The following ARID2 variants were observed in gnomAD, a reference collection of about 807,000 sequenced individuals.
The protein encoded by ARID2 is AT-rich interaction domain 2.
Under a neutral mutation model 184.6 loss-of-function variants are expected in ARID2, and 32 were observed. That is an observed-to-expected ratio of 0.17 (90% CI 0.13 to 0.23). ARID2 has a LOEUF of 0.23. ARID2 is among the 10% of genes least tolerant of loss of function. The probability of loss-of-function intolerance (pLI) is 1.00; values close to 1 mark genes in which losing one functional copy is unlikely to be tolerated. For missense variants in ARID2, 1,696 were observed against 2,197.6 expected (o/e 0.77, Z 4.56); for synonymous variants, 836 against 772.6 (o/e 1.08, Z -1.36).
chr12:45,851,059 C>G lies in ARID2; in HGVS notation c.2936C>G (p.Ala979Gly), dbSNP rs2138167502. ...TCTTCTTCACCATCACCTGTCCCAGCTACTAATAACCAAGTCCCTACTGCC... is the reference window on the plus strand; with the variant it reads ...TCTTCTTCACCATCACCTGTCCCAGGTACTAATAACCAAGTCCCTACTGCC... ...TPSSSPSPVP[A>G]TNNQVPTAMS... The change falls in exon 15 of 21, where the codon GCT becomes GGT. Residue 979 changes from alanine (A) to glycine (G), a missense_variant. Physicochemically the swap from Ala to Gly is moderately conservative, Grantham distance 60. This residue lies in a region of ARID2 where 713 missense variants were observed against 824.4 expected (regional missense o/e 0.86). Transcript: ENST00000334344. 2 of 1,614,138 alleles carry G rather than the reference C, an allele frequency of 1.2e-6. No individual in the cohort carries two copies. The highest frequency in any genetic ancestry group is 1.7e-6 in the Non-Finnish European group (2 of 1,180,006).
intron 6 of ARID2, among the ~76,000 whole-genome samples, chr12:45,835,728 C>T (rs1943208369): frequency 3.3e-5 from 5 of 151,964 alleles, no homozygotes; most frequent in Admixed American, 3.3e-4. Flanking sequence ...GGTGAAACCC[C>T]ATCTCTACTA....
intron 3 of ARID2, among the ~76,000 whole-genome samples, chr12:45,774,762 A>G (rs1027862037): frequency 6.6e-5 from 10 of 152,214 alleles, no homozygotes; most frequent in Admixed American, 5.2e-4. Flanking sequence ...AATGATAATA[A>G]TAGTGGCTAA....
rs531691834 is a variant in ARID2 at position 45,856,819 on chromosome 12, A to G, written c.4773+3923A>G. 3.3e-5 allele frequency among the ~76,000 whole-genome samples: 5 copies of G among 152,326 alleles called. No individual in the cohort carries two copies. In the South Asian group the frequency reaches 1.0e-3, roughly 32 times the overall value. ...TTTAGTATTTAGCTGGGTAGTTTAT[A>G]TAAATATAAAATAAACTGTACCTAC... On this transcript the variant is annotated intron_variant, in intron 15 of 20. Coordinates refer to ENST00000334344, the MANE Select transcript of ARID2 (RefSeq NM_152641.4).
At chr12:45,832,890 A>G (rs1476200270) in intron 6 of ARID2, among the ~76,000 whole-genome samples, 2 of 152,208 alleles carry the variant, frequency 1.3e-5, no homozygotes, top group Non-Finnish European at 2.9e-5. Flanking sequence ...TGCAAATACT[A>G]TACTGCTATA....
Position 45,814,479 on chromosome 12 carries a change from G to A in ARID2, c.418+2928G>A, listed in dbSNP as rs370549558. 2.0e-5 allele frequency among the ~76,000 whole-genome samples: 3 copies of A among 152,164 alleles called. No individual in the cohort carries two copies. In the East Asian group the frequency reaches 5.8e-4, roughly 29 times the overall value. On this transcript the variant is annotated intron_variant, in intron 4 of 20. Coordinates refer to ENST00000334344, the MANE Select transcript of ARID2 (RefSeq NM_152641.4). The stretch of plus-strand genomic sequence containing the variant: ...AGCCTGGCCAACATGGTGAAACCCT[G>A]TTTCTACTAAAAATACAAAAATTGG...
intron 16 of ARID2, among the ~76,000 whole-genome samples, chr12:45,868,867 G>T (rs1032343863): frequency 5.3e-5 from 8 of 152,064 alleles, no homozygotes; most frequent in Non-Finnish European, 1.2e-4. Context: ...ATGGCAGTTT[G>T]CCCCTGCTGA....
Position 45,850,985 on chromosome 12 carries a change from T to G in ARID2, c.2862T>G (p.Leu954=). 1 of 1,614,158 alleles carries G rather than the reference T, an allele frequency of 6.2e-7. No homozygotes were observed. Among genetic ancestry groups the G allele is most frequent in the Non-Finnish European group, 8.5e-7 (1 of 1,180,020 alleles). The change falls in exon 15 of 21, where the codon CTT becomes CTG. Residue 954 remains leucine (L), a synonymous_variant. Coordinates refer to ENST00000334344, the MANE Select transcript of ARID2 (RefSeq NM_152641.4). The part of the protein sequence containing the change: ...HQIVLANPAA[L]PAGQTVQLTG... The stretch of plus-strand genomic sequence containing the variant: ...TTGTTCTTGCTAATCCAGCAGCTCT[T>G]CCAGCTGGTCAGACAGTTCAGCTAA...
chr12:45,814,745 A>G (rs1266820164), intron 4 of ARID2, among the ~76,000 whole-genome samples: 1 of 152,212 alleles, frequency 6.6e-6, no homozygotes, highest in Non-Finnish European at 1.5e-5. Flanking sequence ...TTAAAATTTT[A>G]TAAGCATTTT....
intron 3 of ARID2, among the ~76,000 whole-genome samples, chr12:45,787,406 T>C (rs1380985245): frequency 6.6e-6 from 1 of 151,834 alleles, no homozygotes; most frequent in East Asian, 1.9e-4. Flanking sequence ...TTATTATTAT[T>C]GTCTTTTTGG....
chr12:45,896,400 C>CTGGG (rs1944368270), intron 20 of ARID2, among the ~76,000 whole-genome samples: 1 of 152,136 alleles, frequency 6.6e-6, no homozygotes, highest in Non-Finnish European at 1.5e-5. Flanking sequence ...CTTGAATTCC[C>CTGGG]ACATGTTGTG....
intron 3 of ARID2, among the ~76,000 whole-genome samples, chr12:45,771,427 A>G (rs1434807598): frequency 6.6e-6 from 1 of 151,356 alleles, no homozygotes; most frequent in Non-Finnish European, 1.5e-5. Flanking sequence ...TACCTTGGGA[A>G]GTTGAGGCAG....
In ARID2 at chr12:45,905,578, C is replaced by A. The variant is rs1407178834; in HGVS notation, c.*500C>A. The A allele has an allele frequency of 4.3e-6, 1 of 233,286 alleles. No homozygotes were observed. Among genetic ancestry groups the A allele is most frequent in the South Asian group, 1.8e-4 (1 of 5,530 alleles). 14.5% of individuals were successfully genotyped at this position (233,286 alleles called of 1,614,324 possible). On this transcript the variant is annotated 3_prime_UTR_variant, in exon 21 of 21. Coordinates refer to ENST00000334344, the MANE Select transcript of ARID2 (RefSeq NM_152641.4). Reference sequence around the variant, plus strand: ...CGATCTCAGAGGGGGCCACCAATATCTAGCTATGGATCGTGTGTTTTGTTT... The same window carrying A: ...CGATCTCAGAGGGGGCCACCAATATATAGCTATGGATCGTGTGTTTTGTTT...
intron 3 of ARID2, among the ~76,000 whole-genome samples, chr12:45,779,973 C>G (rs746463551): frequency 6.6e-6 from 1 of 152,102 alleles, no homozygotes; most frequent in East Asian, 1.9e-4. Context: ...TGTCTAACTT[C>G]TAGGCCTCAG....
chr12:45,816,561 C>T (rs1942805639), intron 4 of ARID2, among the ~76,000 whole-genome samples: 1 of 152,156 alleles, frequency 6.6e-6, no homozygotes, highest in South Asian at 2.1e-4. Flanking sequence ...ACTCAGCAAT[C>T]CCACTTCTAG....
At chr12:45,831,247 A>T (rs1014921163) in intron 6 of ARID2, among the ~76,000 whole-genome samples, 1 of 152,198 alleles carries the variant, frequency 6.6e-6, no homozygotes, top group African/African-American at 2.4e-5. Flanking sequence ...ATTCTAATAC[A>T]TACAATTAAG....
chr12:45,864,989 A>G (rs766238264), intron 16 of ARID2, among the ~76,000 whole-genome samples: 2 of 152,156 alleles, frequency 1.3e-5, no homozygotes, highest in Non-Finnish European at 2.9e-5. Flanking sequence ...CTGTGAGCTA[A>G]CAGGAATTTA....
Position 45,851,470 on chromosome 12 carries a change from C to T in ARID2, c.3347C>T (p.Pro1116Leu), listed in dbSNP as rs1465647076. 2 of 1,613,996 alleles carry T rather than the reference C, an allele frequency of 1.2e-6. No individual in the cohort carries two copies. The highest frequency in any genetic ancestry group is 8.5e-7 in the Non-Finnish European group (1 of 1,179,994). ...AAGFGVQGQTPAQQLLVGQQN... is the reference protein window; with the variant it reads ...AAGFGVQGQTLAQQLLVGQQN... ...GGTTTTGGAGTGCAGGGGCAAACTCCAGCTCAGCAGCTATTGGTTGGGCAG... is the reference window on the plus strand; with the variant it reads ...GGTTTTGGAGTGCAGGGGCAAACTCTAGCTCAGCAGCTATTGGTTGGGCAG... Residue 1116 changes from proline (P) to leucine (L), a missense_variant, in exon 15 of 21, where the codon CCA (proline) becomes CTA (leucine). Pro to Leu is a moderately conservative substitution (Grantham distance 98, BLOSUM62 -3). Transcript: ENST00000334344.
At chr12:45,804,548 G>A (rs1400871586) in intron 3 of ARID2, among the ~76,000 whole-genome samples, 1 of 151,508 alleles carries the variant, frequency 6.6e-6, no homozygotes, top group Non-Finnish European at 1.5e-5. Flanking sequence ...CTTTTATGAA[G>A]TTTATCAGGG....
At chr12:45,784,404 T>C (rs1202899107) in intron 3 of ARID2, among the ~76,000 whole-genome samples, 1 of 152,182 alleles carries the variant, frequency 6.6e-6, no homozygotes, top group Non-Finnish European at 1.5e-5. Context: ...ATCCAACTTA[T>C]AATAATATCT....
Sources: allele counts gnomAD v4.1 joint callset (sites outside exome capture counted in the v4.1 genomes callset), GRCh38; gene constraint gnomAD v4.1.1; regional missense constraint gnomAD v4.1.1; transcripts MANE v1.5; gene names NCBI Gene and HGNC (gene_info 2026-07-23, HGNC 2026-07-21).